The following UGT8 variants were observed in gnomAD, a reference collection of about 807,000 sequenced individuals.
The protein encoded by UGT8 is UDP glycosyltransferase 8.
UGT8 carries 12 observed loss-of-function variants against 40.5 expected under a neutral mutation model. That is an observed-to-expected ratio of 0.30 (90% CI 0.19 to 0.48). The LOEUF (loss-of-function observed/expected upper bound fraction) is 0.48. Ranked by LOEUF, UGT8 falls within the 20% of genes least tolerant of loss-of-function variation. UGT8 has a pLI of 0.99. For synonymous variants in UGT8, 224 were observed against 240.4 expected, an observed-to-expected ratio of 0.93 and a Z score of 0.63; for missense variants, 513 against 648.7, an observed-to-expected ratio of 0.79 and a Z score of 2.27.
chr4:114,653,752 T>C (rs1012354446), intron 2 of UGT8, among the ~76,000 whole-genome samples: 2 of 152,052 alleles, frequency 1.3e-5, no homozygotes, highest in African/African-American at 4.8e-5. Flanking sequence ...GGAAAATTTA[T>C]TATTTATTTT....
intron 1 of UGT8, among the ~76,000 whole-genome samples, chr4:114,611,257 A>G (rs1185557930): frequency 6.6e-6 from 1 of 151,870 alleles, no homozygotes; most frequent in African/African-American, 2.4e-5. Flanking sequence ...TGGGATCAGA[A>G]TCAAAACAAT....
At chr4:114,636,595 G>A (rs537476484) in intron 2 of UGT8, among the ~76,000 whole-genome samples, 17 of 152,244 alleles carry the variant, frequency 1.1e-4, no homozygotes, top group Admixed American at 2.6e-4. Context: ...ACAGAAATCC[G>A]TAATCTCTTT....
intron 1 of UGT8, among the ~76,000 whole-genome samples, chr4:114,602,869 A>G (rs1266436178): frequency 1.3e-5 from 2 of 152,204 alleles, no homozygotes; most frequent in Non-Finnish European, 2.9e-5. Flanking sequence ...AGTATGGACT[A>G]TTTTCAGTTT....
chr4:114,664,640 C>T (rs1012017693), intron 3 of UGT8, among the ~76,000 whole-genome samples: 8 of 152,136 alleles, frequency 5.3e-5, no homozygotes, highest in African/African-American at 7.2e-5. Flanking sequence ...AACACAATCA[C>T]GTACCATTTA....
intron 1 of UGT8, among the ~76,000 whole-genome samples, chr4:114,604,818 G>A (rs1331898476): frequency 6.6e-6 from 1 of 151,892 alleles, no homozygotes; most frequent in African/African-American, 2.4e-5. Context: ...TTTTATATCT[G>A]TAGTTTTAAT....
chr4:114,633,216 T>G (rs1291476078), intron 2 of UGT8, among the ~76,000 whole-genome samples: 1 of 152,232 alleles, frequency 6.6e-6, no homozygotes, highest in Non-Finnish European at 1.5e-5. Context: ...TTAAGTGCAG[T>G]TCATGGTTTT....
intron 1 of UGT8, among the ~76,000 whole-genome samples, chr4:114,615,211 T>C (rs1731332317): frequency 6.6e-6 from 1 of 152,156 alleles, no homozygotes; most frequent in Non-Finnish European, 1.5e-5. Flanking sequence ...GTCAAGTTTT[T>C]ATACTCTCAG....
intron 3 of UGT8, chr4:114,665,436 G>A (rs886350176): frequency 2.1e-5 from 21 of 985,298 alleles, no homozygotes; most frequent in African/African-American, 3.5e-5. Context: ...TAGGCGTGAG[G>A]AACCAATGGA....
intron 4 of UGT8, among the ~76,000 whole-genome samples, chr4:114,667,385 C>T (rs540504096): frequency 6.6e-6 from 1 of 152,138 alleles, no homozygotes; most frequent in Admixed American, 6.6e-5. Context: ...AAATGTAGGC[C>T]ATTTACCAGG....
intron 5 of UGT8, among the ~76,000 whole-genome samples, chr4:114,672,637 G>A (rs183123411): frequency 1.5e-3 from 223 of 152,150 alleles, no homozygotes; most frequent in African/African-American, 5.2e-3. Context: ...GACACAGAGA[G>A]GGGGAAGAAC....
At chr4:114,661,596 C>T (rs1734543345) in intron 2 of UGT8, among the ~76,000 whole-genome samples, 1 of 152,160 alleles carries the variant, frequency 6.6e-6, no homozygotes, top group Admixed American at 6.5e-5. Flanking sequence ...TCAATGTTCT[C>T]ATAAAGCATC....
chr4:114,626,237 A>T (rs1732212697), intron 2 of UGT8, among the ~76,000 whole-genome samples: 1 of 152,194 alleles, frequency 6.6e-6, no homozygotes, highest in African/African-American at 2.4e-5. Flanking sequence ...TTTATTTGAG[A>T]TAATAAACTG....
At chr4:114,674,466 T>A (rs1427559423) in intron 5 of UGT8, among the ~76,000 whole-genome samples, 1 of 152,176 alleles carries the variant, frequency 6.6e-6, no homozygotes, top group African/African-American at 2.4e-5. Flanking sequence ...CAGTCTCTCA[T>A]TGGTCATTAT....
chr4:114,661,360 T>C (rs540450029), intron 2 of UGT8, among the ~76,000 whole-genome samples: 1 of 152,300 alleles, frequency 6.6e-6, no homozygotes, highest in East Asian at 1.9e-4. Context: ...TTGCTTTTTA[T>C]AACTGGGTCT....
chr4:114,651,600 A>C (rs1346090638), intron 2 of UGT8, among the ~76,000 whole-genome samples: 6 of 152,096 alleles, frequency 3.9e-5, no homozygotes, highest in Non-Finnish European at 5.9e-5. Context: ...TAAGCTCTTT[A>C]ACATGCTCAC....
chr4:114,663,919 T>C, intron 2 of UGT8, 76 bp from the exon 3 acceptor site: 1 of 1,548,912 alleles, frequency 6.5e-7, no homozygotes, highest in African/African-American at 1.4e-5. Context: ...GGTTTTTTTT[T>C]AACTGGGCTG....
intron 2 of UGT8, among the ~76,000 whole-genome samples, chr4:114,661,987 C>G (rs1005377914): frequency 6.6e-6 from 1 of 152,094 alleles, no homozygotes; most frequent in Non-Finnish European, 1.5e-5. Flanking sequence ...TCATTCTGCT[C>G]TTGTTTATTT....
At chr4:114,654,211 T>C (rs189737168) in intron 2 of UGT8, among the ~76,000 whole-genome samples, 40 of 152,164 alleles carry the variant, frequency 2.6e-4, no homozygotes, top group Non-Finnish European at 2.8e-4. Flanking sequence ...TTAGAAGAGA[T>C]AACTTAATGT....
chr4:114,646,699 A>G (rs986353149), intron 2 of UGT8, among the ~76,000 whole-genome samples: 1 of 152,228 alleles, frequency 6.6e-6, no homozygotes, highest in African/African-American at 2.4e-5. Flanking sequence ...ATGAGAAAGC[A>G]AATTGGCAAG....
Sources: gnomAD v4.1 joint callset for allele counts (sites outside exome capture counted in the v4.1 genomes callset) on GRCh38, gnomAD v4.1.1 for gene constraint, MANE v1.5 for transcripts, NCBI Gene and HGNC (gene_info 2026-07-23, HGNC 2026-07-21) for gene names.